RNLS: variants seen among roughly 807,000 people sequenced by gnomAD.
RNLS encodes the protein renalase, FAD dependent amine oxidase, also known as renalase.
In RNLS, 39 loss-of-function variants were observed where a neutral mutation model predicts 39.8. That is an observed-to-expected ratio of 0.98 (90% confidence interval 0.76 to 1.28). The LOEUF (loss-of-function observed/expected upper bound fraction) is 1.28. Ranked by LOEUF, RNLS falls within the 50% of genes most tolerant of loss-of-function variation. The pLI, the probability that RNLS is intolerant of heterozygous loss-of-function variation, is 0.00. For synonymous variants in RNLS, 147 were observed against 150.7 expected (o/e 0.98, Z 0.18); for missense variants, 410 against 413.3 (o/e 0.99, Z 0.07).
chr10:88,256,048 G>T, the RNLS span, among the ~76,000 whole-genome samples: 2 of 152,282 alleles, frequency 1.3e-5, no homozygotes, highest in South Asian at 4.1e-4. Flanking sequence ...AAGTTTCAGG[G>T]AATTCAGACA....
chr10:88,258,341 C>T, the RNLS span, among the ~76,000 whole-genome samples: 1 of 152,138 alleles, frequency 6.6e-6, no homozygotes, highest in Non-Finnish European at 1.5e-5. Context: ...TATTCTGGAT[C>T]CTATTAAATA....
chr10:88,498,691 C>T (rs892735095), intron 4 of RNLS, among the ~76,000 whole-genome samples: 6 of 151,774 alleles, frequency 4.0e-5, no homozygotes, highest in Non-Finnish European at 7.4e-5. Flanking sequence ...AGAAGGCACA[C>T]AATGGAGTAT....
At chr10:88,569,418 C>T (rs1432649216) in intron 4 of RNLS, among the ~76,000 whole-genome samples, 1 of 151,904 alleles carries the variant, frequency 6.6e-6, no homozygotes, top group Non-Finnish European at 1.5e-5. Context: ...GATTGGACTT[C>T]CCAGACACAC....
intron 4 of RNLS, among the ~76,000 whole-genome samples, chr10:88,522,982 C>G (rs1274839281): frequency 2.0e-5 from 3 of 152,074 alleles, no homozygotes; most frequent in African/African-American, 7.2e-5. Flanking sequence ...GATAGGAACT[C>G]AAGAGACAGT....
chr10:88,182,158 T>A, the RNLS span, among the ~76,000 whole-genome samples: 3 of 152,136 alleles, frequency 2.0e-5, no homozygotes, highest in Non-Finnish European at 2.9e-5. Context: ...CTGCCTCTTT[T>A]ATGAGCCTCA....
At chr10:88,347,699 GTAAAC>G (rs1848403527) in intron 5 of RNLS, among the ~76,000 whole-genome samples, 1 of 152,108 alleles carries the variant, frequency 6.6e-6, no homozygotes, top group South Asian at 2.1e-4. Context: ...GGGCCACAAA[GTAAAC>G]TAAACAGCAA....
rs377131269 is a variant in RNLS at position 88,393,273 on chromosome 10, G to A, written c.527-30548C>T. Among the ~76,000 whole-genome samples, 1,367 of 152,034 alleles carry A rather than the reference G, an allele frequency of 9.0e-3. 24 individuals are homozygous for A. Among genetic ancestry groups the A allele is most frequent in the East Asian group, 0.028 (145 of 5,184 alleles). On this transcript the variant is annotated intron_variant, in intron 4 of 6. Transcript: ENST00000331772. ...AATTGTCCCTGTTTGCAGATGACAT[G>A]ATTGTATATCTAGAAAACCCCATCG...
intron 4 of RNLS, among the ~76,000 whole-genome samples, chr10:88,451,188 G>GT (rs1842340266): frequency 6.6e-6 from 1 of 152,134 alleles, no homozygotes; most frequent in Non-Finnish European, 1.5e-5. Context: ...TTCATTAGAG[G>GT]TCTGCCTAGC....
chr10:88,175,160 C>G, the RNLS span, among the ~76,000 whole-genome samples: 3 of 151,804 alleles, frequency 2.0e-5, no homozygotes, highest in Non-Finnish European at 4.4e-5. Flanking sequence ...ATTTTCTAGT[C>G]TAGCTAGTGG....
At chr10:88,201,004 T>C in the RNLS span, among the ~76,000 whole-genome samples, 5 of 150,004 alleles carry the variant, frequency 3.3e-5, no homozygotes, top group South Asian at 2.1e-4. Flanking sequence ...TTTTTTTTTT[T>C]TAACAACTAA....
At chr10:88,412,794 G>T (rs1280581248) in intron 4 of RNLS, among the ~76,000 whole-genome samples, 1 of 152,142 alleles carries the variant, frequency 6.6e-6, no homozygotes, top group Admixed American at 6.6e-5. Flanking sequence ...TATAGATTGT[G>T]TCTCAAAATA....
chr10:88,305,437 C>T (rs907250229), intron 6 of RNLS, among the ~76,000 whole-genome samples: 4 of 152,092 alleles, frequency 2.6e-5, no homozygotes, highest in Non-Finnish European at 5.9e-5. Context: ...ATTATGCTGT[C>T]TTCAAGAGAC....
intron 4 of RNLS, among the ~76,000 whole-genome samples, chr10:88,526,718 A>T (rs1589957055): frequency 6.6e-6 from 1 of 152,012 alleles, no homozygotes; most frequent in East Asian, 1.9e-4. Flanking sequence ...GTGAGCTGGA[A>T]TCACGCCACT....
chr10:88,558,686 AG>A (rs1397365383), intron 4 of RNLS, among the ~76,000 whole-genome samples: 79 of 152,308 alleles, frequency 5.2e-4, no homozygotes, highest in Admixed American at 2.2e-3. Flanking sequence ...AGGCACTTAG[AG>A]AAAGAAAGAT....
chr10:88,417,404 A>G (rs1854096386), intron 4 of RNLS, among the ~76,000 whole-genome samples: 1 of 152,200 alleles, frequency 6.6e-6, no homozygotes. Flanking sequence ...AAAGCCTTTG[A>G]TTAATAAAGT....
At chr10:88,280,426 G>A (rs539065233), downstream of RNLS, among the ~76,000 whole-genome samples, 26 of 152,262 alleles carry the variant, frequency 1.7e-4, no homozygotes, top group African/African-American at 5.8e-4. Context: ...TGGACCAGAC[G>A]TGTGGATCAA....
At chr10:88,499,320 T>C (rs767829936) in intron 4 of RNLS, among the ~76,000 whole-genome samples, 1 of 152,162 alleles carries the variant, frequency 6.6e-6, no homozygotes, top group Non-Finnish European at 1.5e-5. Context: ...TGTTTAACAC[T>C]GTTAGAAGGC....
At chr10:88,454,315 A>G (rs1342456) in intron 4 of RNLS, among the ~76,000 whole-genome samples, 108,132 of 152,174 alleles carry the variant, frequency 0.71, 39,549 homozygotes, top group African/African-American at 0.89. Context: ...CCATATTTTG[A>G]TGGCATTGTG....
At chr10:88,494,890 T>A (rs1845080318) in intron 4 of RNLS, among the ~76,000 whole-genome samples, 2 of 152,134 alleles carry the variant, frequency 1.3e-5, no homozygotes, top group South Asian at 4.1e-4. Context: ...TACTCTGAGG[T>A]CCCTATATTC....
Sources: allele counts gnomAD v4.1 joint callset (sites outside exome capture counted in the v4.1 genomes callset), GRCh38; gene constraint gnomAD v4.1.1; transcripts MANE v1.5; gene names NCBI Gene and HGNC (gene_info 2026-07-23, HGNC 2026-07-21).